DAPK1: variants seen among roughly 807,000 people sequenced by gnomAD.
The protein encoded by DAPK1 is death associated protein kinase 1, also known as death-associated protein kinase 1.
DAPK1 carries 56 observed loss-of-function variants against 144.9 expected under a neutral mutation model. That is an observed-to-expected ratio of 0.39 (90% CI 0.31 to 0.48). The LOEUF (loss-of-function observed/expected upper bound fraction) is 0.48, where lower values mean the gene tolerates loss of function less well. DAPK1 is among the 20% of genes least tolerant of loss of function. DAPK1 has a pLI of 0.95. For missense variants in DAPK1, 1,454 were observed against 1,875.4 expected, an observed-to-expected ratio of 0.78 and a Z score of 4.15; for synonymous variants, 690 against 749.0, an observed-to-expected ratio of 0.92 and a Z score of 1.29.
chr9:87,651,913 C>T lies in DAPK1; in HGVS notation c.1824+189C>T, dbSNP rs556601651. Among the ~76,000 whole-genome samples, 106 of 131,108 alleles carry T rather than the reference C, an allele frequency of 8.1e-4. 1 individual carries two copies. The highest frequency in any genetic ancestry group is 3.0e-3 in the African/African-American group (98 of 32,710). 86.0% of individuals were successfully genotyped at this position (131,108 alleles called of 152,430 possible). On this transcript the variant is annotated intron_variant, in intron 17 of 25. Coordinates refer to ENST00000408954, the MANE Select transcript of DAPK1 (RefSeq NM_004938.4). ...GATTCTGTGTCCTCTCACCTGATCC[C>T]GGGTCCTGATTCTGTGTCCTCCCAC... is the stretch of plus-strand genomic sequence containing the variant.
At chr9:87,508,859 A>G (rs1824717309) in intron 2 of DAPK1, among the ~76,000 whole-genome samples, 1 of 152,226 alleles carries the variant, frequency 6.6e-6, no homozygotes, top group Admixed American at 6.5e-5. Context: ...GAGGATAGGT[A>G]CACCTAAAGC....
At chr9:87,617,723 G>A (rs1413217703) in intron 3 of DAPK1, among the ~76,000 whole-genome samples, 1 of 152,122 alleles carries the variant, frequency 6.6e-6, no homozygotes, top group East Asian at 1.9e-4. Flanking sequence ...GGTCTCTCTG[G>A]AGCCCTACAG....
At chr9:87,635,912 G>A (rs1829878768) in intron 3 of DAPK1, among the ~76,000 whole-genome samples, 1 of 152,352 alleles carries the variant, frequency 6.6e-6, no homozygotes, top group Admixed American at 6.5e-5. Context: ...GAGCACAGAA[G>A]CCAGGGCTGG....
At chr9:87,645,558 A>G (rs902322214) in intron 11 of DAPK1, among the ~76,000 whole-genome samples, 15 of 152,166 alleles carry the variant, frequency 9.9e-5, no homozygotes, top group African/African-American at 3.6e-4. Flanking sequence ...AAATTTTCAC[A>G]GTGGTTTTAG....
At chr9:87,665,879 T>C (rs1433368151) in intron 18 of DAPK1, among the ~76,000 whole-genome samples, 2 of 152,316 alleles carry the variant, frequency 1.3e-5, no homozygotes, top group Admixed American at 6.5e-5. Context: ...AGGGCTCACG[T>C]TGAGATGATG....
intron 19 of DAPK1, among the ~76,000 whole-genome samples, chr9:87,674,514 C>CAAAA (rs35817698): frequency 4.0e-4 from 27 of 67,608 alleles, no homozygotes; most frequent in African/African-American, 4.4e-4. Context: ...GACTCTGTCT[C>CAAAA]AAAAAAAAAA....
At chr9:87,677,400 T>C (rs183982725) in intron 19 of DAPK1, among the ~76,000 whole-genome samples, 23 of 151,800 alleles carry the variant, frequency 1.5e-4, no homozygotes, top group Admixed American at 1.2e-3. Context: ...CTCCTGAGAG[T>C]GGAAGGGCCT....
chr9:87,586,156 C>T (rs896208502), intron 2 of DAPK1, among the ~76,000 whole-genome samples: 8 of 152,070 alleles, frequency 5.3e-5, no homozygotes, highest in Admixed American at 2.0e-4. Flanking sequence ...GATATGATGG[C>T]GTGTACCTGT....
rs36230886 is a variant in DAPK1 at position 87,530,492 on chromosome 9, C to T, written c.62+31353C>T. Among the ~76,000 whole-genome samples, 509 of 152,302 alleles carry T rather than the reference C, an allele frequency of 3.3e-3. 4 individuals are homozygous for T. Among genetic ancestry groups the T allele is most frequent in the African/African-American group, 0.012 (488 of 41,564 alleles). ...AATCTTATGTCTACTTTCCTTAACC[C>T]GTTTTGAAATTGGAAGAGGAAGTTA... is the stretch of plus-strand genomic sequence containing the variant. On this transcript the variant is annotated intron_variant, in intron 2 of 25. Transcript: ENST00000408954.
chr9:87,593,583 C>G (rs1179163484), intron 2 of DAPK1, among the ~76,000 whole-genome samples: 2 of 152,176 alleles, frequency 1.3e-5, no homozygotes, highest in Non-Finnish European at 2.9e-5. Context: ...CAAGCTCTGT[C>G]CTTTCTCTTT....
chr9:87,682,088 A>G (rs1254994641), intron 20 of DAPK1, among the ~76,000 whole-genome samples: 3 of 152,194 alleles, frequency 2.0e-5, no homozygotes, highest in Non-Finnish European at 2.9e-5. Flanking sequence ...CAGACCCAGT[A>G]TTGTAGATAC....
At chr9:87,691,308 T>G (rs912005503) in intron 21 of DAPK1, among the ~76,000 whole-genome samples, 1 of 152,104 alleles carries the variant, frequency 6.6e-6, no homozygotes, top group African/African-American at 2.4e-5. Context: ...CTGATGATCT[T>G]TGGTATTTTT....
rs748331719 is a variant in DAPK1, at chr9:87,686,614, T to C, written c.2288T>C (p.Met763Thr). Residue 763 changes from methionine to threonine, a missense_variant, in exon 21 of 26, where the codon ATG becomes ACG. By Grantham distance (81) the Met-to-Thr change is moderately conservative. Around this residue, in one of 2 missense-constraint regions of DAPK1, gnomAD observed 1,025 missense variants for 1,237.9 expected, o/e 0.83. Coordinates refer to ENST00000408954, the MANE Select transcript of DAPK1 (RefSeq NM_004938.4). This position sits in a 1 kb window ranked among gnomAD's most constrained non-coding sequence, Gnocchi z 4.2. ...CENVSVRSRS[M>T]MFEPGLTKGM... ...AACGTGAGTGTGAGGAGCCGCAGCA[T>C]GATGTTCGAGCCGGGTCTTACCAAA... 5.0e-6 allele frequency: 8 copies of C among 1,608,664 alleles called. No homozygotes were observed. In the South Asian group the frequency reaches 7.8e-5, roughly 16 times the overall value.
At chr9:87,682,859 C>T (rs1824691043) in intron 20 of DAPK1, among the ~76,000 whole-genome samples, 1 of 152,162 alleles carries the variant, frequency 6.6e-6, no homozygotes, top group Non-Finnish European at 1.5e-5. Context: ...AATCCCAGAA[C>T]ATCTGGTGCC....
Position 87,640,801 on chromosome 9 carries a change from G to A in DAPK1, c.783-1G>A. 6.2e-7 allele frequency: 1 copy of A among 1,614,102 alleles called. No individual in the cohort carries two copies. The highest frequency in any genetic ancestry group is 8.5e-7 in the Non-Finnish European group (1 of 1,180,006). On this transcript the variant is annotated splice_acceptor_variant, in intron 8 of 25. Transcript: ENST00000408954. LOFTEE classifies it high-confidence loss of function. ...TTTTTTCTTCTCCCCCTCCCCTCAAGGAAGAGAATGACAATTCAAGATAGT... is the reference window on the plus strand; with the variant it reads ...TTTTTTCTTCTCCCCCTCCCCTCAAAGAAGAGAATGACAATTCAAGATAGT...
At chr9:87,611,445 C>G (rs997176932) in intron 3 of DAPK1, among the ~76,000 whole-genome samples, 1 of 152,226 alleles carries the variant, frequency 6.6e-6, no homozygotes, top group Non-Finnish European at 1.5e-5. Flanking sequence ...CCACTGGGCC[C>G]AGCTCAGAAT....
At chr9:87,695,610 C>A (rs1183316569) in intron 21 of DAPK1, among the ~76,000 whole-genome samples, 2 of 152,164 alleles carry the variant, frequency 1.3e-5, no homozygotes. Flanking sequence ...CTGCTTGACA[C>A]TTTCCTGCCT....
At chr9:87,695,992 A>T (rs535410658) in intron 21 of DAPK1, among the ~76,000 whole-genome samples, 1 of 152,134 alleles carries the variant, frequency 6.6e-6, no homozygotes, top group South Asian at 2.1e-4. Flanking sequence ...GTGAAGGTGG[A>T]GTGTCTGTAT....
chr9:87,617,515 TACTC>T (rs1829138915), intron 3 of DAPK1, among the ~76,000 whole-genome samples: 1 of 152,196 alleles, frequency 6.6e-6, no homozygotes, highest in Non-Finnish European at 1.5e-5. Flanking sequence ...ACGCAATCCA[TACTC>T]ACTCCCTTCT....
Sources: allele counts gnomAD v4.1 joint callset (sites outside exome capture counted in the v4.1 genomes callset), GRCh38; gene constraint gnomAD v4.1.1; regional missense constraint gnomAD v4.1.1; non-coding constraint Gnocchi (gnomAD v3.1); transcripts MANE v1.5; gene names NCBI Gene and HGNC (gene_info 2026-07-23, HGNC 2026-07-21).